The following MAPRE3 variants were observed in gnomAD, a reference collection of about 807,000 sequenced individuals.
MAPRE3 encodes the protein microtubule associated protein RP/EB family member 3, also known as microtubule-associated protein RP/EB family member 3.
In MAPRE3, 2 loss-of-function variants were observed where a neutral mutation model predicts 30.5. That is an observed-to-expected ratio of 0.07 (90% CI 0.03 to 0.21). MAPRE3 has a LOEUF of 0.21. MAPRE3 is among the 10% of genes least tolerant of loss of function. The pLI, the probability that MAPRE3 is intolerant of heterozygous loss-of-function variation, is 1.00. For missense variants in MAPRE3, 204 were observed against 351.8 expected, an observed-to-expected ratio of 0.58 and a Z score of 3.36; for synonymous variants, 110 against 127.7, an observed-to-expected ratio of 0.86 and a Z score of 0.93.
intron 1 of MAPRE3, among the ~76,000 whole-genome samples, chr2:27,001,628 G>C (rs571788564): frequency 1.3e-5 from 2 of 152,186 alleles, no homozygotes; most frequent in Admixed American, 1.3e-4. Flanking sequence ...CTCCAGCCTA[G>C]GAAACAAATC....
chr2:27,010,722 C>A (rs919964465), intron 1 of MAPRE3, among the ~76,000 whole-genome samples: 1 of 152,124 alleles, frequency 6.6e-6, no homozygotes, highest in African/African-American at 2.4e-5. Flanking sequence ...GGATTACAGG[C>A]ATGAGCCACA....
At chr2:26,996,279 C>T (rs1379458678) in intron 1 of MAPRE3, among the ~76,000 whole-genome samples, 4 of 151,872 alleles carry the variant, frequency 2.6e-5, no homozygotes, top group African/African-American at 4.8e-5. Context: ...CTCAGCCTCC[C>T]GAATAACTGG....
chr2:27,007,305 G>A (rs1666751983), intron 1 of MAPRE3, among the ~76,000 whole-genome samples: 2 of 152,324 alleles, frequency 1.3e-5, no homozygotes, highest in South Asian at 4.1e-4. Context: ...TCCCAAGGAA[G>A]AAGTTTGGAC....
At position 26,984,376 on chromosome 2, in the gene MAPRE3, A is replaced by T. The variant is rs532143248; in HGVS notation, c.-8+13574A>T. 6.2e-4 allele frequency among the ~76,000 whole-genome samples: 95 copies of T among 152,328 alleles called. 1 individual carries two copies. Among genetic ancestry groups the T allele is most frequent in the African/African-American group, 2.1e-3 (89 of 41,568 alleles). On this transcript the variant is annotated intron_variant, in intron 1 of 6. Transcript: ENST00000233121. ...TGCCACTATTTTGTTGAATATTCCAACTTTTTTCTACACACATACTAACAT... is the reference window on the plus strand; with the variant it reads ...TGCCACTATTTTGTTGAATATTCCATCTTTTTTCTACACACATACTAACAT...
At chr2:27,019,193 T>C (rs988293331) in intron 1 of MAPRE3, among the ~76,000 whole-genome samples, 3 of 151,850 alleles carry the variant, frequency 2.0e-5, no homozygotes, top group African/African-American at 7.3e-5. Context: ...CCGCACCCGC[T>C]CTCACACACA....
At chr2:26,998,710 C>A (rs1383561052) in intron 1 of MAPRE3, among the ~76,000 whole-genome samples, 1 of 152,110 alleles carries the variant, frequency 6.6e-6, no homozygotes, top group Admixed American at 6.5e-5. Flanking sequence ...TACAGAAGTA[C>A]CCAGAAGGCT....
chr2:27,005,731 G>A (rs993449942), intron 1 of MAPRE3, among the ~76,000 whole-genome samples: 7 of 152,200 alleles, frequency 4.6e-5, no homozygotes, highest in Admixed American at 1.3e-4. Context: ...AGTGGCAGGA[G>A]TCAAAGTATT....
chr2:27,023,579 G>A, intron 3 of MAPRE3, 102 bp downstream of exon 3: 2 of 1,444,612 alleles, frequency 1.4e-6, no homozygotes, highest in Non-Finnish European at 1.9e-6. Flanking sequence ...TCATTCCGGT[G>A]CTCGTGCCTC....
At chr2:26,992,338 T>C in intron 1 of MAPRE3, among the ~76,000 whole-genome samples, 1 of 151,844 alleles carries the variant, frequency 6.6e-6, no homozygotes, top group East Asian at 1.9e-4. Flanking sequence ...GCGATTCTCC[T>C]GCCTCAGCCT....
At chr2:27,023,993 C>T (rs1667173544) in intron 3 of MAPRE3, 103 bp from the exon 4 acceptor site, 1 of 859,402 alleles carries the variant, frequency 1.2e-6, no homozygotes, top group South Asian at 1.6e-5. Context: ...GAGGACGCTG[C>T]AGCCCAGGGG....
At chr2:27,006,705 A>T (rs1327975616) in intron 1 of MAPRE3, among the ~76,000 whole-genome samples, 2 of 152,190 alleles carry the variant, frequency 1.3e-5, no homozygotes, top group Admixed American at 1.3e-4. Flanking sequence ...AACCACTGAG[A>T]TTATAGGCAT....
At chr2:27,014,861 G>T (rs1332666145) in intron 1 of MAPRE3, 1 of 152,402 alleles carries the variant, frequency 6.6e-6, no homozygotes, top group Non-Finnish European at 1.5e-5. Flanking sequence ...CCGGGCCTGG[G>T]CAGGAAGGGG....
intron 1 of MAPRE3, among the ~76,000 whole-genome samples, chr2:26,972,387 G>A (rs1051903355): frequency 6.6e-6 from 1 of 152,204 alleles, no homozygotes; most frequent in African/African-American, 2.4e-5. Flanking sequence ...CTGCCCCCAT[G>A]CCCATCAGAT....
chr2:27,017,032 A>T (rs1667004371), intron 1 of MAPRE3, among the ~76,000 whole-genome samples: 1 of 152,168 alleles, frequency 6.6e-6, no homozygotes, highest in African/African-American at 2.4e-5. Flanking sequence ...TTTGCTCAGG[A>T]CCTGGGTGCC....
intron 1 of MAPRE3, among the ~76,000 whole-genome samples, chr2:26,978,445 C>T (rs550301692): frequency 6.6e-6 from 1 of 152,326 alleles, no homozygotes; most frequent in African/African-American, 2.4e-5. Context: ...CCACCCCCAC[C>T]CGCTTCCCTG....
intron 1 of MAPRE3, among the ~76,000 whole-genome samples, chr2:27,019,476 G>A (rs976026778): frequency 2.0e-5 from 3 of 152,146 alleles, no homozygotes; most frequent in South Asian, 2.1e-4. Flanking sequence ...GTTACTGAAC[G>A]TCTTGCCTGT....
intron 1 of MAPRE3, among the ~76,000 whole-genome samples, chr2:27,019,033 C>T (rs1465727997): frequency 2.0e-5 from 3 of 152,042 alleles, no homozygotes; most frequent in African/African-American, 2.4e-5. Flanking sequence ...TCTCCTGCCT[C>T]AGCCTCCCTA....
chr2:27,006,272 C>T (rs76503718), intron 1 of MAPRE3, among the ~76,000 whole-genome samples: 4 of 152,230 alleles, frequency 2.6e-5, no homozygotes, highest in South Asian at 2.1e-4. Context: ...GTAGGCTTTG[C>T]CATTGGGTGA....
chr2:26,996,717 G>A, intron 1 of MAPRE3, among the ~76,000 whole-genome samples: 1 of 152,200 alleles, frequency 6.6e-6, no homozygotes, highest in East Asian at 1.9e-4. Context: ...GTGAACCTGA[G>A]AATGGCGTGA....
Sources: gnomAD v4.1 joint callset for allele counts (sites outside exome capture counted in the v4.1 genomes callset) on GRCh38, gnomAD v4.1.1 for gene constraint, MANE v1.5 for transcripts, NCBI Gene and HGNC (gene_info 2026-07-23, HGNC 2026-07-21) for gene names.